The following CLEC2A variants were observed in gnomAD, a reference collection of about 807,000 sequenced individuals.
CLEC2A encodes C-type lectin domain family 2 member A, also known as keratinocyte-associated C-type lectin.
Under a neutral mutation model 18.6 loss-of-function variants are expected in CLEC2A, and 19 were observed. The ratio of observed to expected loss-of-function variants is 1.02; its 90% confidence interval spans 0.71 to 1.50. CLEC2A has a LOEUF of 1.50. Ranked by LOEUF, CLEC2A falls within the 40% of genes most tolerant of loss-of-function variation. The pLI is 0.00. For synonymous variants in CLEC2A, 74 were observed against 64.0 expected, an observed-to-expected ratio of 1.16 and a Z score of -0.75; for missense variants, 190 against 207.9, an observed-to-expected ratio of 0.91 and a Z score of 0.53.
At chr12:9,912,206 G>T (rs1237342679), downstream of CLEC2A, among the ~76,000 whole-genome samples, 1 of 152,162 alleles carries the variant, frequency 6.6e-6, no homozygotes, top group Admixed American at 6.5e-5. Context: ...CAGGGGAAAA[G>T]CTTAATTTTC....
the CLEC2A span, among the ~76,000 whole-genome samples, chr12:9,880,183 A>G: frequency 6.6e-6 from 1 of 152,252 alleles, no homozygotes; most frequent in Admixed American, 6.5e-5. Context: ...TTGTGAACCT[A>G]ACAGGAAGGA....
Position 9,913,690 on chromosome 12 carries a change from A to G in CLEC2A, c.411-10T>C, listed in dbSNP as rs1187611752. 1.3e-6 allele frequency: 2 copies of G among 1,518,942 alleles called. No individual in the cohort carries two copies. The highest frequency in any genetic ancestry group is 1.8e-6 in the Non-Finnish European group (2 of 1,125,016). The allele number at this position is 1,518,942 out of a possible 1,614,324, so 94.1% of individuals were successfully genotyped here. ...CCCTATAATTTCAAACCTGAAAAAG[A>G]ACACTCTAAATCAGTCTGGGAACCA... is the stretch of plus-strand genomic sequence containing the variant. On this transcript the variant is annotated splice_polypyrimidine_tract_variant and intron_variant, in intron 4 of 4. Transcript: ENST00000455827.
the CLEC2A span, chr12:9,884,836 T>C: frequency 4.9e-6 from 2 of 410,052 alleles, no homozygotes; most frequent in Non-Finnish European, 8.6e-6. Context: ...TCTAATGACA[T>C]ATCTAAAATG....
chr12:9,920,227 G>GA (rs1023638210), intron 3 of CLEC2A, among the ~76,000 whole-genome samples: 2 of 152,176 alleles, frequency 1.3e-5, no homozygotes, highest in African/African-American at 4.8e-5. Flanking sequence ...CTTTACTAGG[G>GA]ATGTGTAAGG....
chr12:9,888,283 G>T, the CLEC2A span, among the ~76,000 whole-genome samples: 2 of 151,722 alleles, frequency 1.3e-5, no homozygotes, highest in African/African-American at 4.8e-5. Flanking sequence ...GAGGTCAGGA[G>T]ATCGAGACCA....
exon 5 of CLEC2A, chr12:9,898,773 A>G (rs1420804160): frequency 9.1e-6 from 5 of 546,824 alleles, no homozygotes; most frequent in Non-Finnish European, 3.3e-6. Flanking sequence ...TGAATTGATA[A>G]ATTTACTCCC....
intron 4 of CLEC2A, among the ~76,000 whole-genome samples, chr12:9,901,575 T>G (rs912089481): frequency 1.3e-5 from 2 of 152,184 alleles, no homozygotes; most frequent in Non-Finnish European, 2.9e-5. Context: ...CCCATGTACC[T>G]AAACATGTCA....
intron 2 of CLEC2A, among the ~76,000 whole-genome samples, chr12:9,923,158 C>A (rs1863202286): frequency 6.6e-6 from 1 of 152,054 alleles, no homozygotes; most frequent in African/African-American, 2.4e-5. Context: ...GCCCCGCATG[C>A]ATTAGGTATT....
At chr12:9,909,826 G>A (rs965712081), downstream of CLEC2A, among the ~76,000 whole-genome samples, 2 of 152,148 alleles carry the variant, frequency 1.3e-5, no homozygotes, top group East Asian at 1.9e-4. Context: ...GAGCAGGGGA[G>A]GGATCTGGAG....
At chr12:9,911,932 G>C (rs1171222385), downstream of CLEC2A, among the ~76,000 whole-genome samples, 1 of 152,154 alleles carries the variant, frequency 6.6e-6, no homozygotes, top group Admixed American at 6.5e-5. Context: ...GCAAGATGGA[G>C]GCCTGCAACA....
the CLEC2A span, chr12:9,893,352 C>A: frequency 1.2e-6 from 1 of 817,320 alleles, no homozygotes; most frequent in South Asian, 1.9e-5. Context: ...TTAATGCCGG[C>A]ACAGAGACTT....
At chr12:9,909,075 T>TA (rs559584078), downstream of CLEC2A, among the ~76,000 whole-genome samples, 236 of 152,290 alleles carry the variant, frequency 1.5e-3, no homozygotes, top group African/African-American at 5.6e-3. Context: ...CAACTATTAG[T>TA]AAAAAAATGA....
chr12:9,895,751 A>G, downstream of CLEC2A: 1 of 1,535,990 alleles, frequency 6.5e-7, no homozygotes, highest in South Asian at 1.2e-5. Context: ...AACTGGGTGT[A>G]TTCTGAAGAC....
intron 4 of CLEC2A, among the ~76,000 whole-genome samples, chr12:9,901,196 C>T (rs1410172701): frequency 6.6e-6 from 1 of 152,198 alleles, no homozygotes; most frequent in Non-Finnish European, 1.5e-5. Context: ...AACATTTCAG[C>T]TCTTCATGAC....
chr12:9,892,874 G>A, the CLEC2A span: 22 of 595,996 alleles, frequency 3.7e-5, no homozygotes, highest in Middle Eastern at 4.7e-4. Flanking sequence ...GTGAGCCACC[G>A]CGCCTGGTCT....
downstream of CLEC2A, among the ~76,000 whole-genome samples, chr12:9,909,398 T>C (rs1210595009): frequency 6.6e-6 from 1 of 152,222 alleles, no homozygotes; most frequent in Non-Finnish European, 1.5e-5. Flanking sequence ...ACTACCATAG[T>C]GGCCCTAAGG....
intron 4 of CLEC2A, among the ~76,000 whole-genome samples, chr12:9,900,721 C>G (rs1862814296): frequency 6.6e-6 from 1 of 152,166 alleles, no homozygotes. Context: ...GACCACAGGT[C>G]AGGAACCCTG....
downstream of CLEC2A, chr12:9,913,108 A>AT (rs959580815): frequency 1.8e-3 from 299 of 161,766 alleles, no homozygotes; most frequent in Non-Finnish European, 3.0e-3. Flanking sequence ...GGGAGATTGC[A>AT]TTTTTTTTTT....
the CLEC2A span, chr12:9,893,427 A>C: frequency 1.5e-6 from 2 of 1,304,664 alleles, no homozygotes; most frequent in Non-Finnish European, 2.1e-6. Flanking sequence ...TTTCTTCTGC[A>C]GGAGTTCATA....
Sources: gnomAD v4.1 joint callset for allele counts (sites outside exome capture counted in the v4.1 genomes callset) on GRCh38, gnomAD v4.1.1 for gene constraint, MANE v1.5 for transcripts, NCBI Gene and HGNC (gene_info 2026-07-23, HGNC 2026-07-21) for gene names.